The following TELO2 variants were observed in gnomAD, a reference collection of about 807,000 sequenced individuals.
The protein encoded by TELO2 is telomere maintenance 2.
Under a neutral mutation model 91.0 loss-of-function variants are expected in TELO2, and 71 were observed. The ratio of observed to expected loss-of-function variants is 0.78; its 90% CI spans 0.64 to 0.95. TELO2 has a LOEUF of 0.95. TELO2 is among the 40% of genes least tolerant of loss of function. TELO2 has a pLI of 0.00. For missense variants in TELO2, 1,183 were observed against 1,141.3 expected (o/e 1.04, Z -0.53); for synonymous variants, 584 against 518.9 (o/e 1.13, Z -1.71).
At position 1,505,690 on chromosome 16, in the gene TELO2, C is replaced by T. The variant is rs1427789761; in HGVS notation, c.2034+89C>T. The T allele has an allele frequency of 1.1e-5, 16 of 1,440,564 alleles. No individual in the cohort carries two copies. The East Asian group carries it at 1.2e-4, about 11-fold the overall frequency. The allele number at this position is 1,440,564 out of a possible 1,614,324, so 89.2% of individuals were successfully genotyped here. The stretch of plus-strand genomic sequence containing the variant: ...AGACACCTCCAGGCGCTGTCTGCAG[C>T]GAGGGGCGGCCACATTCGCTGGGGA... On this transcript the variant is annotated intron_variant, in intron 16 of 20. Transcript: ENST00000262319. The surrounding 1 kb of genome is among the most constrained non-coding windows in gnomAD (Gnocchi z 4.3).
chr16:1,496,631 A>C (rs2235627), intron 3 of TELO2, among the ~76,000 whole-genome samples: 18,413 of 152,058 alleles, frequency 0.12, 1,808 homozygotes, highest in African/African-American at 0.24. Flanking sequence ...CGTTCCCTGG[A>C]GTGCGCTCCT....
At position 1,505,257 on chromosome 16, in the gene TELO2, C is replaced by T. The variant is rs536020000; in HGVS notation, c.1843-153C>T. On this transcript the variant is annotated intron_variant, in intron 15 of 20. Transcript: ENST00000262319. The surrounding 1 kb of genome is among the most constrained non-coding windows in gnomAD (Gnocchi z 4.3). Reference sequence around the variant, plus strand: ...ACCAAGGCGCGGTTGCTGTGAGCTACGGGGAAGTGACTTTTCTCCTTGTTC... The same window carrying T: ...ACCAAGGCGCGGTTGCTGTGAGCTATGGGGAAGTGACTTTTCTCCTTGTTC... 1.7e-5 allele frequency: 15 copies of T among 888,988 alleles called. No individual in the cohort carries two copies. Among genetic ancestry groups the T allele is most frequent in the African/African-American group, 1.7e-4 (10 of 59,288 alleles). 55.1% of individuals were successfully genotyped at this position (888,988 alleles called of 1,614,324 possible). A position where few individuals can be genotyped will look rare whatever the true frequency, so the allele number is the denominator to read the frequency against.
At position 1,509,949 on chromosome 16, in the gene TELO2, T is replaced by A; in HGVS notation, c.*13T>A. ...CGCGTCTCCCTAGTCCCTGGAGGCC[T>A]CCCCAGGACCACCCTCGCCGACAGC... On this transcript the variant is annotated 3_prime_UTR_variant, in exon 21 of 21. Coordinates refer to ENST00000262319, the MANE Select transcript of TELO2 (RefSeq NM_016111.4). 1.4e-5 allele frequency: 22 copies of A among 1,575,448 alleles called. No individual in the cohort carries two copies. The highest frequency in any genetic ancestry group is 1.7e-5 in the Non-Finnish European group (20 of 1,160,384).
At chr16:1,498,739 ATAAG>A (rs2039577750) in intron 5 of TELO2, among the ~76,000 whole-genome samples, 1 of 149,934 alleles carries the variant, frequency 6.7e-6, no homozygotes, top group African/African-American at 2.4e-5. Context: ...ATTTTAAGTG[ATAAG>A]TGAGGGAGAA....
At position 1,497,576 on chromosome 16, in the gene TELO2, C is replaced by T. The variant is rs1383322273; in HGVS notation, c.830+68C>T. ...TCTGGACCCCCAGAGGCTGCCATTC[C>T]TTCACGCTACTTCTCCTGGGCGCCG... is the stretch of plus-strand genomic sequence containing the variant. On this transcript the variant is annotated intron_variant, in intron 5 of 20. Transcript: ENST00000262319. This position sits in a 1 kb window ranked among gnomAD's most constrained non-coding sequence, Gnocchi z 4.0. The T allele has an allele frequency of 2.0e-6, 3 of 1,479,478 alleles. No homozygotes were observed. The highest frequency in any genetic ancestry group is 1.8e-6 in the Non-Finnish European group (2 of 1,113,262). The allele number at this position is 1,479,478 out of a possible 1,614,324, so 91.6% of individuals were successfully genotyped here.
Position 1,510,172 on chromosome 16 carries a change from G to A in TELO2, c.*236G>A, listed in dbSNP as rs548489668. Reference sequence around the variant, plus strand: ...GACATGGCAGCCTGGACGTGGGGCTGGGGCTGTGGGCGCTGCTGGCGGGGT... The same window carrying A: ...GACATGGCAGCCTGGACGTGGGGCTAGGGCTGTGGGCGCTGCTGGCGGGGT... On this transcript the variant is annotated 3_prime_UTR_variant, in exon 21 of 21. Transcript: ENST00000262319. The A allele has an allele frequency of 1.3e-4, 69 of 534,520 alleles. 1 individual carries two copies. The South Asian group carries it at 1.3e-3, about 10-fold the overall frequency. 33.1% of individuals were successfully genotyped at this position (534,520 alleles called of 1,614,324 possible).
chr16:1,506,091 T>C (rs932204112), intron 16 of TELO2, 147 bp from the exon 17 acceptor site: 1 of 836,460 alleles, frequency 1.2e-6, no homozygotes, highest in Non-Finnish European at 1.9e-6. Context: ...CCATGGGGCC[T>C]GGGAGCTGGG....
intron 5 of TELO2, among the ~76,000 whole-genome samples, chr16:1,498,519 C>T (rs961395957): frequency 6.6e-6 from 1 of 152,088 alleles, no homozygotes; most frequent in African/African-American, 2.4e-5. Flanking sequence ...CTCACTGCAG[C>T]CTCGACCTCC....
At position 1,500,199 on chromosome 16, in the gene TELO2, C is replaced by T. The variant is rs369165309; in HGVS notation, c.1002+35C>T. 2.4e-4 allele frequency: 372 copies of T among 1,579,876 alleles called. 1 individual carries two copies. Among genetic ancestry groups the T allele is most frequent in the South Asian group, 9.1e-4 (80 of 87,920 alleles). On this transcript the variant is annotated intron_variant, in intron 7 of 20. Transcript: ENST00000262319. ...TCCTGGCTCTCCGTCCCTGCGAGGC[C>T]CTGGGAGAAGAGCCGTGCGGGGCTC...
chr16:1,502,307 G>A lies in TELO2; in HGVS notation c.1562-6G>A, dbSNP rs750483876. The stretch of plus-strand genomic sequence containing the variant: ...GCTGACCGAGGCCTCTCTGGGTTCT[G>A]TGCAGCCCTGACCACGTCTGAGGAC... On this transcript the variant is annotated splice_region_variant and splice_polypyrimidine_tract_variant and intron_variant, in intron 12 of 20. Transcript: ENST00000262319. 2.5e-6 allele frequency: 4 copies of A among 1,601,152 alleles called. No individual in the cohort carries two copies. The South Asian group carries it at 4.5e-5, about 18-fold the overall frequency.
At chr16:1,500,988 C>T (rs2039658432) in intron 9 of TELO2, among the ~76,000 whole-genome samples, 1 of 152,206 alleles carries the variant, frequency 6.6e-6, no homozygotes, top group African/African-American at 2.4e-5. Flanking sequence ...GGGGCCACCC[C>T]CTGCAGTTTG....
At chr16:1,507,798 T>G (rs2039957132) in intron 20 of TELO2, 82 bp downstream of exon 20, 3 of 1,147,470 alleles carry the variant, frequency 2.6e-6, no homozygotes, top group East Asian at 3.1e-5. Context: ...GTGTGAGAGA[T>G]GTGTCGGCCC....
chr16:1,497,384 C>A lies in TELO2; in HGVS notation c.706C>A (p.Pro236Thr). Residue 236 changes from proline (P) to threonine (T), a missense_variant, in exon 5 of 21, where the codon CCC becomes ACC. Coordinates refer to ENST00000262319, the MANE Select transcript of TELO2 (RefSeq NM_016111.4). The surrounding 1 kb of genome is among the most constrained non-coding windows in gnomAD (Gnocchi z 4.0). ...RQQEILGVLVPRLAALTQGSY... is the reference protein window; with the variant it reads ...RQQEILGVLVTRLAALTQGSY... Reference sequence around the variant, plus strand: ...AGAGGAGATCCTGGGCGTGCTGGTACCCCGGCTGGCAGCGCTCACCCAGGG... The same window carrying A: ...AGAGGAGATCCTGGGCGTGCTGGTAACCCGGCTGGCAGCGCTCACCCAGGG... 1.3e-6 allele frequency: 2 copies of A among 1,549,030 alleles called. No individual in the cohort carries two copies. Among genetic ancestry groups the A allele is most frequent in the Non-Finnish European group, 1.7e-6 (2 of 1,146,452 alleles).
At position 1,500,560 on chromosome 16, in the gene TELO2, C is replaced by T; in HGVS notation, c.1145-3C>T. ...GCTCAGGGGGCCTGTCCGGTGCTTG[C>T]AGAACTGCTGGCCAGCATGATGGCG... On this transcript the variant is annotated splice_polypyrimidine_tract_variant and splice_region_variant and intron_variant, in intron 8 of 20. Coordinates refer to ENST00000262319, the MANE Select transcript of TELO2 (RefSeq NM_016111.4). 1 of 1,611,692 alleles carries T rather than the reference C, an allele frequency of 6.2e-7. No homozygotes were observed. The highest frequency in any genetic ancestry group is 8.5e-7 in the Non-Finnish European group (1 of 1,179,524).
At position 1,505,736 on chromosome 16, in the gene TELO2, C is replaced by T; in HGVS notation, c.2034+135C>T. 2 of 1,189,994 alleles carry T rather than the reference C, an allele frequency of 1.7e-6. No individual in the cohort carries two copies. Among genetic ancestry groups the T allele is most frequent in the Non-Finnish European group, 2.3e-6 (2 of 866,078 alleles). 73.7% of individuals were successfully genotyped at this position (1,189,994 alleles called of 1,614,324 possible). A position where few individuals can be genotyped will look rare whatever the true frequency, so the allele number is the denominator to read the frequency against. ...GGGGATGGTGCCTTTGCCGGGATTCCTGAAAGGCAGGGTCCATGGTTTGCA... is the reference window on the plus strand; with the variant it reads ...GGGGATGGTGCCTTTGCCGGGATTCTTGAAAGGCAGGGTCCATGGTTTGCA... On this transcript the variant is annotated intron_variant, in intron 16 of 20. Coordinates refer to ENST00000262319, the MANE Select transcript of TELO2 (RefSeq NM_016111.4). The surrounding 1 kb of genome is among the most constrained non-coding windows in gnomAD (Gnocchi z 4.3).
rs2039447208 is a variant in TELO2, at chr16:1,495,426, CGCAGTGTCGGCA to C, written c.421_432del (p.Cys141_Gln144del). ...GGCCGGCTGGCAGTGCTGATGGAGG[CGCAGTGTCGGCA>C]GCAGACGCAGCCCGGCTTCATCCTG... On this transcript the variant is annotated inframe_deletion, in exon 3 of 21. Transcript: ENST00000262319. 1 of 1,597,492 alleles carries C rather than the reference CGCAGTGTCGGCA, an allele frequency of 6.3e-7. No homozygotes were observed. Among genetic ancestry groups the C allele is most frequent in the Non-Finnish European group, 8.5e-7 (1 of 1,173,110 alleles).
chr16:1,507,039 T>A lies in TELO2; in HGVS notation c.2214T>A (p.Ala738=), dbSNP rs769306704. The part of the protein sequence containing the change: ...AHTLGALMCL[A]VNTTVAVAMG... ...CCTTAGGGGCCCTGATGTGCCTGGC[T>A]GTTAACACCACGGTGAGCCGGGAGA... Residue 738 remains alanine (A), a synonymous_variant, in exon 18 of 21, where the codon GCT becomes GCA. Transcript: ENST00000262319. The A allele has an allele frequency of 2.0e-5, 32 of 1,609,268 alleles. No individual in the cohort carries two copies. Among genetic ancestry groups the A allele is most frequent in the Non-Finnish European group, 2.7e-5 (32 of 1,177,976 alleles).
At chr16:1,508,335 G>A (rs1425798459) in intron 20 of TELO2, among the ~76,000 whole-genome samples, 1 of 152,184 alleles carries the variant, frequency 6.6e-6, no homozygotes, top group Non-Finnish European at 1.5e-5. Context: ...ATTTCACCAT[G>A]TTGGTCAGGA....
In TELO2 at chr16:1,504,450, A is replaced by G. The variant is rs796078087; in HGVS notation, c.1843-960A>G. On this transcript the variant is annotated intron_variant, in intron 15 of 20. Transcript: ENST00000262319. ...CTCCATCTCAAAAAAAAAAAAAAAA[A>G]AAAAAGGGAGGGGAGGGGTTAACGT... Among the ~76,000 whole-genome samples the G allele has an allele frequency of 8.9e-3, 1,329 of 149,966 alleles. 10 individuals carry two copies. The highest frequency in any genetic ancestry group is 0.013 in the Non-Finnish European group (907 of 67,548).
Sources: allele counts gnomAD v4.1 joint callset (sites outside exome capture counted in the v4.1 genomes callset), GRCh38; gene constraint gnomAD v4.1.1; non-coding constraint Gnocchi (gnomAD v3.1); transcripts MANE v1.5; gene names NCBI Gene and HGNC (gene_info 2026-07-23, HGNC 2026-07-21).